The following CHD9 variants were observed in gnomAD, a reference collection of about 807,000 sequenced individuals.
CHD9 encodes ATP-dependent chromatin remodeler CHD9.
CHD9 carries 77 observed loss-of-function variants against 316.1 expected under a neutral mutation model. The ratio of observed to expected loss-of-function variants is 0.24; its 90% CI spans 0.20 to 0.29. The LOEUF (loss-of-function observed/expected upper bound fraction) is 0.29. CHD9 is among the 10% of genes least tolerant of loss of function. CHD9 has a pLI of 1.00. For missense variants in CHD9, 2,763 were observed against 3,438.1 expected, an observed-to-expected ratio of 0.80 and a Z score of 4.91; for synonymous variants, 1,129 against 1,158.3, an observed-to-expected ratio of 0.97 and a Z score of 0.51.
intron 1 of CHD9, among the ~76,000 whole-genome samples, chr16:53,114,688 C>A (rs74981018): frequency 6.6e-6 from 1 of 152,162 alleles, no homozygotes; most frequent in East Asian, 1.9e-4. Flanking sequence ...CGCGGGTTCA[C>A]GCCATTCTCC....
At chr16:53,134,026 C>T (rs1399967152) in intron 1 of CHD9, among the ~76,000 whole-genome samples, 1 of 151,490 alleles carries the variant, frequency 6.6e-6, no homozygotes, top group African/African-American at 2.4e-5. Flanking sequence ...GTTTATTGAT[C>T]GAAATGTCAT....
intron 24 of CHD9, among the ~76,000 whole-genome samples, chr16:53,275,712 C>T (rs200117757): frequency 6.6e-6 from 1 of 151,486 alleles, no homozygotes; most frequent in Non-Finnish European, 1.5e-5. Flanking sequence ...GAAATGTAAG[C>T]AAGCCATAAA....
At chr16:53,179,546 G>A (rs2043333727) in intron 2 of CHD9, among the ~76,000 whole-genome samples, 1 of 152,050 alleles carries the variant, frequency 6.6e-6, no homozygotes, top group Non-Finnish European at 1.5e-5. Context: ...ATTTTTTGAA[G>A]CCTATTATAA....
intron 3 of CHD9, among the ~76,000 whole-genome samples, chr16:53,214,044 T>G (rs1480471735): frequency 6.6e-6 from 1 of 152,170 alleles, no homozygotes; most frequent in Non-Finnish European, 1.5e-5. Context: ...TAAGTCATGT[T>G]ATGAAGAAAA....
intron 2 of CHD9, among the ~76,000 whole-genome samples, chr16:53,171,271 T>C (rs900031305): frequency 6.6e-6 from 1 of 151,730 alleles, no homozygotes; most frequent in Non-Finnish European, 1.5e-5. Context: ...ACAAAAAAAT[T>C]AGCCAGGCAT....
intron 10 of CHD9, 151 bp from the exon 11 acceptor site, chr16:53,235,034 A>G: frequency 1.9e-6 from 1 of 517,712 alleles, no homozygotes; most frequent in Non-Finnish European, 3.3e-6. Context: ...AGTTGTATAG[A>G]ATTAATTTGA....
chr16:53,059,694 C>G (rs778688541), intron 1 of CHD9, among the ~76,000 whole-genome samples: 3 of 152,178 alleles, frequency 2.0e-5, no homozygotes, highest in Non-Finnish European at 4.4e-5. Context: ...GGATAATGAC[C>G]GTGAACAGGC....
At chr16:53,251,263 A>G (rs1244390331) in intron 17 of CHD9, among the ~76,000 whole-genome samples, 1 of 152,198 alleles carries the variant, frequency 6.6e-6, no homozygotes, top group East Asian at 1.9e-4. Flanking sequence ...ATTAAACCCA[A>G]ATCATAATTG....
At chr16:53,150,543 T>C (rs2041016441) in intron 1 of CHD9, among the ~76,000 whole-genome samples, 2 of 152,224 alleles carry the variant, frequency 1.3e-5, no homozygotes, top group African/African-American at 4.8e-5. Context: ...CTGGCCTTTA[T>C]ATTTACCTAT....
chr16:53,314,441 A>T lies in CHD9; in HGVS notation c.7287A>T (p.Lys2429Asn), dbSNP rs755233574. 6.3e-7 allele frequency: 1 copy of T among 1,588,978 alleles called. No homozygotes were observed. Among genetic ancestry groups the T allele is most frequent in the Non-Finnish European group, 8.6e-7 (1 of 1,166,122 alleles). ...GVILDNQPIVKKRRGRRKNVE... is the reference protein window; with the variant it reads ...GVILDNQPIVNKRRGRRKNVE... ...TATTAGACAACCAGCCTATAGTCAA[A>T]AAAAGGCGAGGAAGGAGGAAGAATG... Residue 2429 changes from lysine to asparagine, a missense_variant, in exon 35 of 39, where the codon AAA becomes AAT. Around this residue, in one of 15 missense-constraint regions of CHD9, gnomAD observed 663 missense variants for 751.2 expected, o/e 0.88. Coordinates refer to ENST00000447540, the MANE Select transcript of CHD9 (RefSeq NM_001308319.2).
At position 53,231,716 on chromosome 16, in the gene CHD9, G is replaced by A; in HGVS notation, c.2443G>A (p.Asp815Asn). Residue 815 changes from aspartate to asparagine, a missense_variant, in exon 10 of 39, where the codon GAT becomes AAT. Asp to Asn is a conservative substitution (Grantham distance 23, BLOSUM62 1). This residue lies in a region of CHD9 where 186 missense variants were observed against 245.0 expected (regional missense o/e 0.76). Coordinates refer to ENST00000447540, the MANE Select transcript of CHD9 (RefSeq NM_001308319.2). ...YEDSTWELKE[D>N]VDLAKIEEFE... ...AGATAGTACTTGGGAACTAAAAGAA[G>A]ATGTAGATCTTGCAAAAATAGAAGA... 2 of 1,611,634 alleles carry A rather than the reference G, an allele frequency of 1.2e-6. No individual in the cohort carries two copies. The highest frequency in any genetic ancestry group is 2.2e-5 in the East Asian group (1 of 44,802).
chr16:53,204,193 C>T (rs1244586480), intron 2 of CHD9, among the ~76,000 whole-genome samples: 1 of 151,350 alleles, frequency 6.6e-6, no homozygotes, highest in Non-Finnish European at 1.5e-5. Context: ...AACCTGTTCT[C>T]TGAGTGTACA....
chr16:53,156,008 A>G lies in CHD9; in HGVS notation c.-82A>G, dbSNP rs555967798. On this transcript the variant is annotated 5_prime_UTR_variant, in exon 2 of 39. The change abolishes an upstream ATG in the 5' untranslated region. Transcript: ENST00000447540. Reference sequence around the variant, plus strand: ...TTGGATTAGTTGATGACCTTCGGAAATGATCCAATAATATCTACTATAGAG... The same window carrying G: ...TTGGATTAGTTGATGACCTTCGGAAGTGATCCAATAATATCTACTATAGAG... 5 of 1,328,374 alleles carry G rather than the reference A, an allele frequency of 3.8e-6. No individual in the cohort carries two copies. In the South Asian group the frequency reaches 6.0e-5, roughly 16 times the overall value. 82.3% of individuals were successfully genotyped at this position (1,328,374 alleles called of 1,614,324 possible). A position where few individuals can be genotyped will look rare whatever the true frequency, so the allele number is the denominator to read the frequency against.
At chr16:53,316,753 A>G (rs930480291) in intron 36 of CHD9, among the ~76,000 whole-genome samples, 1 of 152,200 alleles carries the variant, frequency 6.6e-6, no homozygotes, top group Non-Finnish European at 1.5e-5. Flanking sequence ...ATAAAGTCTC[A>G]TGGGAACAGA....
intron 10 of CHD9, among the ~76,000 whole-genome samples, 184 bp downstream of exon 10, chr16:53,231,968 C>A (rs970416677): frequency 7.9e-5 from 12 of 152,118 alleles, no homozygotes; most frequent in Non-Finnish European, 1.5e-5. Flanking sequence ...GGAGCAGATT[C>A]CTTTTTGATT....
chr16:53,214,446 G>A (rs886383944), intron 3 of CHD9, among the ~76,000 whole-genome samples: 7 of 152,232 alleles, frequency 4.6e-5, no homozygotes, highest in East Asian at 1.9e-4. Flanking sequence ...TATGATAAAC[G>A]AAAGAGCAGT....
chr16:53,235,391 T>C, intron 11 of CHD9, 85 bp downstream of exon 11: 10 of 983,018 alleles, frequency 1.0e-5, no homozygotes, highest in Non-Finnish European at 1.3e-5. Flanking sequence ...GTTGTTGCTA[T>C]ATTGTTATTG....
chr16:53,070,127 G>T (rs2033884333), intron 1 of CHD9, among the ~76,000 whole-genome samples: 1 of 152,012 alleles, frequency 6.6e-6, no homozygotes, highest in Non-Finnish European at 1.5e-5. Context: ...TTGTTGTTGA[G>T]TTGTGGGGTT....
rs1230353316 is a variant in CHD9 at position 53,306,367 on chromosome 16, A to T, written c.6750A>T (p.Gly2250=). The change falls in exon 32 of 39, where the codon GGA becomes GGT. Residue 2250 remains glycine, a synonymous_variant. Coordinates refer to ENST00000447540, the MANE Select transcript of CHD9 (RefSeq NM_001308319.2). ...AGTCTGCTTATATCTTACAAGGTGG[A>T]TATATGCTGGCAGCCTCGTATTGGC... ...TPESAYILQG[G]YMLAASYWPK... is the part of the protein sequence containing the mutation. 6.9e-6 allele frequency: 11 copies of T among 1,601,026 alleles called. No homozygotes were observed. Among genetic ancestry groups the T allele is most frequent in the Non-Finnish European group, 8.5e-6 (10 of 1,175,618 alleles).
Sources: allele counts gnomAD v4.1 joint callset (sites outside exome capture counted in the v4.1 genomes callset), GRCh38; gene constraint gnomAD v4.1.1; regional missense constraint gnomAD v4.1.1; transcripts MANE v1.5; gene names NCBI Gene and HGNC (gene_info 2026-07-23, HGNC 2026-07-21).